The following CSMD2 variants were observed in gnomAD, a reference collection of about 807,000 sequenced individuals.
CSMD2 encodes CUB and sushi domain-containing protein 2.
A neutral mutation model predicts 398.5 loss-of-function variants in CSMD2; 130 were observed. The observed-to-expected ratio is 0.33, with a 90% CI of 0.28 to 0.38. CSMD2 has a LOEUF of 0.38. Ranked by LOEUF, CSMD2 falls within the 10% of genes least tolerant of loss-of-function variation. The pLI is 1.00. For missense variants in CSMD2, 3,829 were observed against 4,764.9 expected (o/e 0.80, Z 5.78); for synonymous variants, 1,828 against 1,908.5 (o/e 0.96, Z 1.10).
chr1:33,827,810 A>G (rs1203394096), intron 6 of CSMD2, among the ~76,000 whole-genome samples: 1 of 152,228 alleles, frequency 6.6e-6, no homozygotes, highest in Admixed American at 6.5e-5. Flanking sequence ...CACAGCCAGG[A>G]AACAGCTGTG....
chr1:33,920,091 C>G (rs1393510587), intron 4 of CSMD2, among the ~76,000 whole-genome samples: 1 of 152,112 alleles, frequency 6.6e-6, no homozygotes, highest in African/African-American at 2.4e-5. Flanking sequence ...GAAGACCCCA[C>G]TGAGAAGTTG....
chr1:33,992,456 C>T (rs1180137335), intron 3 of CSMD2, among the ~76,000 whole-genome samples: 2 of 152,008 alleles, frequency 1.3e-5, no homozygotes, highest in East Asian at 3.9e-4. Flanking sequence ...AATGCACCCA[C>T]TTCAGCACCT....
chr1:33,592,358 T>C (rs1639517629), intron 44 of CSMD2: 2 of 715,060 alleles, frequency 2.8e-6, no homozygotes, highest in Non-Finnish European at 2.6e-6. Flanking sequence ...TATTTCAACT[T>C]CCCAAGAGAG....
intron 10 of CSMD2, among the ~76,000 whole-genome samples, chr1:33,805,913 G>A (rs531154078): frequency 1.3e-5 from 2 of 152,042 alleles, no homozygotes; most frequent in East Asian, 3.9e-4. Context: ...TGTTACAGTA[G>A]CCTGAGTAGA....
intron 4 of CSMD2, among the ~76,000 whole-genome samples, chr1:33,933,152 C>A (rs1270414776): frequency 6.6e-6 from 1 of 152,182 alleles, no homozygotes; most frequent in African/African-American, 2.4e-5. Context: ...CAGACGCCTT[C>A]GTTGATGTTT....
In CSMD2 at chr1:33,820,575, A is replaced by G; in HGVS notation, c.1112-19T>C. 8.5e-7 allele frequency: 1 copy of G among 1,170,482 alleles called. No homozygotes were observed. Among genetic ancestry groups the G allele is most frequent in the Non-Finnish European group, 1.2e-6 (1 of 801,100 alleles). 72.5% of individuals were successfully genotyped at this position (1,170,482 alleles called of 1,614,324 possible). On this transcript the variant is annotated intron_variant, in intron 7 of 70. Transcript: ENST00000373381. ...TGAGTTACTACAAGGCAAAAAAAAA[A>G]AAAAAAAAAAAAACAGCACACACAG...
Position 33,533,824 on chromosome 1 carries a change from G to C in CSMD2, c.9963C>G (p.Thr3321=). 1.2e-6 allele frequency: 2 copies of C among 1,613,818 alleles called. No individual in the cohort carries two copies. Among genetic ancestry groups the C allele is most frequent in the African/African-American group, 2.7e-5 (2 of 75,022 alleles). The change falls in exon 63 of 71, where the codon ACC becomes ACG. Residue 3321 remains threonine (T), a synonymous_variant. Coordinates refer to ENST00000373381, the MANE Select transcript of CSMD2 (RefSeq NM_001281956.2). This position sits in a 1 kb window ranked among gnomAD's most constrained non-coding sequence, Gnocchi z 4.2. The part of the protein sequence containing the change: ...STTRTCLPNL[T]WSGTPPDCVP... ...CACAGTCAGGTGGGGTTCCACTCCA[G>C]GTCAGGTTTGGGAGGCAGGTCCTGG...
chr1:33,529,746 C>A (rs1228207328), intron 64 of CSMD2, among the ~76,000 whole-genome samples: 2 of 152,082 alleles, frequency 1.3e-5, no homozygotes, highest in East Asian at 3.8e-4. Flanking sequence ...GATATGACAA[C>A]AAAAGCATAT....
Position 33,624,531 on chromosome 1 carries a change from G to A in CSMD2, c.5613C>T (p.Gly1871=), listed in dbSNP as rs189437127. The change falls in exon 35 of 71, where the codon GGC becomes GGT. Residue 1871 remains glycine (G), a synonymous_variant. Transcript: ENST00000373381. This position sits in a 1 kb window ranked among gnomAD's most constrained non-coding sequence, Gnocchi z 4.7. Reference sequence around the variant, plus strand: ...CCCTTGCCCCTACCTGGATGCCAGCGCCTTCGGGGACCACGATCTTCCACA... The same window carrying A: ...CCCTTGCCCCTACCTGGATGCCAGCACCTTCGGGGACCACGATCTTCCACA... ...NCVWKIVVPE[G]AGIQIQVVSF... 158 of 1,613,826 alleles carry A rather than the reference G, an allele frequency of 9.8e-5. No homozygotes were observed. The highest frequency in any genetic ancestry group is 1.5e-4 in the Admixed American group (9 of 60,026).
intron 12 of CSMD2, among the ~76,000 whole-genome samples, chr1:33,773,650 A>T (rs1252055074): frequency 1.3e-5 from 2 of 151,746 alleles, no homozygotes; most frequent in East Asian, 3.9e-4. Context: ...GACGAGGAGG[A>T]GGGGGTGGTG....
Position 33,559,519 on chromosome 1 carries a change from C to T in CSMD2, c.8381-46G>A, listed in dbSNP as rs1280120009. 31 of 1,511,128 alleles carry T rather than the reference C, an allele frequency of 2.1e-5. No homozygotes were observed. Among genetic ancestry groups the T allele is most frequent in the Non-Finnish European group, 2.7e-5 (30 of 1,125,746 alleles). The allele number at this position is 1,511,128 out of a possible 1,614,324, so 93.6% of individuals were successfully genotyped here. A position where few individuals can be genotyped will look rare whatever the true frequency, so the allele number is the denominator to read the frequency against. ...AGGTAAGCCCTCCTACTATTCCACA[C>T]CCCTCAGAATTTATCCACCTCTCAC... is the stretch of plus-strand genomic sequence containing the variant. On this transcript the variant is annotated intron_variant, in intron 53 of 70. Coordinates refer to ENST00000373381, the MANE Select transcript of CSMD2 (RefSeq NM_001281956.2). This position sits in a 1 kb window ranked among gnomAD's most constrained non-coding sequence, Gnocchi z 4.0.
In CSMD2 at chr1:33,646,755, T is replaced by C. The variant is rs1461278197; in HGVS notation, c.4667A>G (p.Tyr1556Cys). Reference sequence around the variant, plus strand: ...AATGCGGCCTGGGAGCTGGGAGCCATAGAAGCTTCCTATGAGAGGGCTGAG... The same window carrying C: ...AATGCGGCCTGGGAGCTGGGAGCCACAGAAGCTTCCTATGAGAGGGCTGAG... ...DSLSPLIGSFYGSQLPGRIES... is the reference protein window; with the variant it reads ...DSLSPLIGSFCGSQLPGRIES... The change falls in exon 29 of 71, where the codon TAT becomes TGT. Residue 1556 changes from tyrosine to cysteine, a missense_variant. Tyr to Cys is a radical substitution (Grantham distance 194, BLOSUM62 -2). Coordinates refer to ENST00000373381, the MANE Select transcript of CSMD2 (RefSeq NM_001281956.2). 3 of 1,614,098 alleles carry C rather than the reference T, an allele frequency of 1.9e-6. No individual in the cohort carries two copies. The highest frequency in any genetic ancestry group is 2.2e-5 in the East Asian group (1 of 44,874).
intron 5 of CSMD2, among the ~76,000 whole-genome samples, chr1:33,901,096 T>C (rs1343391911): frequency 1.3e-5 from 2 of 152,206 alleles, no homozygotes; most frequent in Non-Finnish European, 2.9e-5. Context: ...AAGATGGGTA[T>C]GCCAATACCT....
At chr1:33,889,725 A>G (rs1641852464) in intron 5 of CSMD2, among the ~76,000 whole-genome samples, 1 of 150,924 alleles carries the variant, frequency 6.6e-6, no homozygotes, top group African/African-American at 2.4e-5. Context: ...AAGCTGTAGA[A>G]TAATATGTTT....
At chr1:33,578,075 C>T (rs1048731666) in intron 48 of CSMD2, among the ~76,000 whole-genome samples, 1 of 152,174 alleles carries the variant, frequency 6.6e-6, no homozygotes, top group African/African-American at 2.4e-5. Flanking sequence ...CTGTTCAATG[C>T]TCAGTAAGTG....
intron 31 of CSMD2, among the ~76,000 whole-genome samples, chr1:33,634,108 C>T (rs1010565634): frequency 1.4e-4 from 22 of 152,164 alleles, no homozygotes; most frequent in Non-Finnish European, 2.1e-4. Flanking sequence ...TTTCTAACTG[C>T]GATCCTGCAG....
At chr1:33,581,038 T>A in intron 47 of CSMD2, 139 bp from the exon 48 acceptor site, 2 of 763,268 alleles carry the variant, frequency 2.6e-6, no homozygotes, top group Non-Finnish European at 4.2e-6. Context: ...TCTCTCTGCA[T>A]CCACAGGCAT....
chr1:34,160,606 T>A (rs1374077536), intron 1 of CSMD2, among the ~76,000 whole-genome samples: 1 of 152,156 alleles, frequency 6.6e-6, no homozygotes, highest in Non-Finnish European at 1.5e-5. Context: ...AATCATCTGA[T>A]CAAACAGCCA....
intron 36 of CSMD2, among the ~76,000 whole-genome samples, chr1:33,622,509 T>G (rs1641837238): frequency 6.6e-6 from 1 of 152,190 alleles, no homozygotes. Flanking sequence ...GGCAGAGCCA[T>G]GTGCCCGCAG....
Sources: gnomAD v4.1 joint callset for allele counts (sites outside exome capture counted in the v4.1 genomes callset) on GRCh38, gnomAD v4.1.1 for gene constraint, Gnocchi (gnomAD v3.1) non-coding constraint, MANE v1.5 for transcripts, NCBI Gene and HGNC (gene_info 2026-07-23, HGNC 2026-07-21) for gene names.